KCNN1: variants seen among roughly 807,000 people sequenced by gnomAD.
The protein encoded by KCNN1 is small conductance calcium-activated potassium channel protein 1.
In KCNN1, 20 loss-of-function variants were observed where a neutral mutation model predicts 44.7. That is an observed-to-expected ratio of 0.45 (90% CI 0.32 to 0.65). The LOEUF (loss-of-function observed/expected upper bound fraction) is 0.65. Among genes scored for constraint, KCNN1 ranks in the 30% least tolerant of loss-of-function variants. The pLI, the probability that KCNN1 is intolerant of heterozygous loss-of-function variation, is 0.05. For missense variants in KCNN1, 632 were observed against 785.3 expected, an observed-to-expected ratio of 0.80 and a Z score of 2.33; for synonymous variants, 324 against 341.7, an observed-to-expected ratio of 0.95 and a Z score of 0.57.
chr19:17,993,400 A>T lies in KCNN1; in HGVS notation c.1308-90A>T. The T allele has an allele frequency of 1.1e-6, 1 of 917,944 alleles. No individual in the cohort carries two copies. The highest frequency in any genetic ancestry group is 1.8e-6 in the Non-Finnish European group (1 of 570,496). The allele number at this position is 917,944 out of a possible 1,614,324, so 56.9% of individuals were successfully genotyped here. A position where few individuals can be genotyped will look rare whatever the true frequency, so the allele number is the denominator to read the frequency against. On this transcript the variant is annotated intron_variant, in intron 8 of 9. Coordinates refer to ENST00000684775, the MANE Select transcript of KCNN1 (RefSeq NM_001386974.1). The surrounding 1 kb of genome is among the most constrained non-coding windows in gnomAD (Gnocchi z 4.5). ...TCCTCTGATGCATGTCCCATAGGTG[A>T]CCCCGGGTGGGTGCATGAAAGTCCC...
chr19:17,967,512 A>G (rs2031856896), intron 1 of KCNN1, among the ~76,000 whole-genome samples, 195 bp downstream of exon 1: 1 of 152,030 alleles, frequency 6.6e-6, no homozygotes, highest in Non-Finnish European at 1.5e-5. Flanking sequence ...CGAGTGAGTG[A>G]GGATCCACGC....
At chr19:17,979,703 G>C (rs1201635393) in intron 3 of KCNN1, among the ~76,000 whole-genome samples, 1 of 152,102 alleles carries the variant, frequency 6.6e-6, no homozygotes, top group Non-Finnish European at 1.5e-5. Flanking sequence ...GTGAGCAATG[G>C]CGCTGTAGGG....
At chr19:17,961,305 A>G (rs2145904895) in intron 2 of KCNN1, among the ~76,000 whole-genome samples, 1 of 151,978 alleles carries the variant, frequency 6.6e-6, no homozygotes, top group Non-Finnish European at 1.5e-5. Flanking sequence ...GGCCAGGCAC[A>G]GTGGTTCACG....
upstream of KCNN1, among the ~76,000 whole-genome samples, chr19:17,966,034 TTC>T (rs2031798703): frequency 7.4e-5 from 4 of 53,972 alleles, no homozygotes; most frequent in Non-Finnish European, 1.2e-4. Context: ...CCTTCCTTCC[TTC>T]CTTCCTTCCT....
At chr19:17,987,641 C>T (rs188849707) in intron 5 of KCNN1, among the ~76,000 whole-genome samples, 44 of 152,158 alleles carry the variant, frequency 2.9e-4, no homozygotes, top group Non-Finnish European at 5.6e-4. Flanking sequence ...AGGGTTTCCT[C>T]CGGGAGCCCC....
chr19:17,983,280 C>A lies in KCNN1; in HGVS notation c.917+1153C>A, dbSNP rs1440829647. Among the ~76,000 whole-genome samples, 13 of 152,202 alleles carry A rather than the reference C, an allele frequency of 8.5e-5. No homozygotes were observed. The highest frequency in any genetic ancestry group is 6.5e-4 in the Admixed American group (10 of 15,300). On this transcript the variant is annotated intron_variant, in intron 4 of 9. Coordinates refer to ENST00000684775, the MANE Select transcript of KCNN1 (RefSeq NM_001386974.1). This position sits in a 1 kb window ranked among gnomAD's most constrained non-coding sequence, Gnocchi z 4.5. ...TGGGAGAGGGTCTCCCTGCCATGCG[C>A]CTAGCTGGTGGAGGCCCTGGAGGGG...
chr19:17,969,012 A>G (rs2031918813), intron 1 of KCNN1, among the ~76,000 whole-genome samples: 1 of 152,144 alleles, frequency 6.6e-6, no homozygotes, highest in Admixed American at 6.5e-5. Context: ...TGGCAAACCC[A>G]GGGCTGTTAC....
At chr19:17,970,969 C>T (rs2032002476) in intron 1 of KCNN1, among the ~76,000 whole-genome samples, 1 of 151,742 alleles carries the variant, frequency 6.6e-6, no homozygotes, top group Non-Finnish European at 1.5e-5. Flanking sequence ...CTGCAGCCTC[C>T]ACCTCCCGAG....
intron 2 of KCNN1, among the ~76,000 whole-genome samples, chr19:17,959,273 T>G (rs1021760788): frequency 1.3e-4 from 20 of 151,680 alleles, no homozygotes; most frequent in Admixed American, 3.3e-4. Context: ...GTTTTGTTTT[T>G]TTTGAGACAG....
chr19:17,962,153 T>C (rs953193964), upstream of KCNN1, among the ~76,000 whole-genome samples: 2 of 152,142 alleles, frequency 1.3e-5, no homozygotes, highest in South Asian at 2.1e-4. Context: ...GGGGCGCTCA[T>C]GTCTGAATGG....
intron 2 of KCNN1, chr19:17,954,781 TA>T: frequency 6.6e-6 from 1 of 152,358 alleles, no homozygotes; most frequent in South Asian, 2.1e-4. Flanking sequence ...CTCACGCCTG[TA>T]ATCCCAGCAC....
intron 7 of KCNN1, among the ~76,000 whole-genome samples, chr19:17,990,481 C>CA (rs539345774): frequency 0.029 from 2,706 of 94,574 alleles, 61 homozygotes; most frequent in African/African-American, 0.092. Flanking sequence ...GACCTTGTCT[C>CA]AAAAAAAAAA....
intron 4 of KCNN1, among the ~76,000 whole-genome samples, chr19:17,984,882 A>C (rs1317921557): frequency 6.6e-6 from 1 of 151,946 alleles, no homozygotes; most frequent in Non-Finnish European, 1.5e-5. Flanking sequence ...CTCGAGCCCC[A>C]GGTGGTGATC....
intron 7 of KCNN1, among the ~76,000 whole-genome samples, chr19:17,990,491 AAAAG>A (rs1272005590): frequency 4.6e-5 from 7 of 151,222 alleles, no homozygotes; most frequent in East Asian, 1.9e-4. Flanking sequence ...CAAAAAAAAA[AAAAG>A]AAAGAAAAGA....
At chr19:17,994,921 T>C (rs892981798) in intron 9 of KCNN1, among the ~76,000 whole-genome samples, 1 of 152,218 alleles carries the variant, frequency 6.6e-6, no homozygotes, top group Non-Finnish European at 1.5e-5. Context: ...CTTGAGATCT[T>C]TGCAACACTG....
intron 2 of KCNN1, among the ~76,000 whole-genome samples, chr19:17,956,357 C>T (rs1048319914): frequency 6.6e-5 from 10 of 152,224 alleles, no homozygotes; most frequent in Non-Finnish European, 7.3e-5. Context: ...TAGCTACTGT[C>T]TGCCAGGCCC....
chr19:17,984,962 G>T (rs1365304414), intron 4 of KCNN1, among the ~76,000 whole-genome samples: 4 of 151,978 alleles, frequency 2.6e-5, no homozygotes, highest in Non-Finnish European at 4.4e-5. Context: ...GTTCTTCCTG[G>T]TGTCTGTCCT....
At chr19:17,957,472 G>C (rs1325717936) in intron 2 of KCNN1, among the ~76,000 whole-genome samples, 3 of 152,124 alleles carry the variant, frequency 2.0e-5, no homozygotes, top group African/African-American at 2.4e-5. Flanking sequence ...AAGTCAGAGA[G>C]GCCTCTCTAG....
chr19:17,971,698 A>C (rs1010765856), intron 1 of KCNN1, among the ~76,000 whole-genome samples: 1 of 151,720 alleles, frequency 6.6e-6, no homozygotes, highest in Non-Finnish European at 1.5e-5. Flanking sequence ...TCCTGACCTC[A>C]GATGATCTGC....
Sources: allele counts gnomAD v4.1 joint callset (sites outside exome capture counted in the v4.1 genomes callset), GRCh38; gene constraint gnomAD v4.1.1; non-coding constraint Gnocchi (gnomAD v3.1); transcripts MANE v1.5; gene names NCBI Gene and HGNC (gene_info 2026-07-23, HGNC 2026-07-21).